Variants in VPS35L observed in about 807,000 individuals in gnomAD.
The protein encoded by VPS35L is VPS35 endosomal protein sorting factor like, also known as VPS35 endosomal protein-sorting factor-like.
Under a neutral mutation model 133.0 loss-of-function variants are expected in VPS35L, and 83 were observed. That is an observed-to-expected ratio of 0.62 (90% CI 0.52 to 0.75). VPS35L has a LOEUF of 0.75. VPS35L is among the 30% of genes least tolerant of loss of function. VPS35L has a pLI of 0.00. For synonymous variants in VPS35L, 423 were observed against 449.9 expected, an observed-to-expected ratio of 0.94 and a Z score of 0.76; for missense variants, 1,083 against 1,206.8, an observed-to-expected ratio of 0.90 and a Z score of 1.52.
intron 9 of VPS35L, among the ~76,000 whole-genome samples, chr16:19,605,391 C>T (rs1240420412): frequency 6.6e-6 from 1 of 152,190 alleles, no homozygotes; most frequent in Non-Finnish European, 1.5e-5. Context: ...GAAGTCTAAA[C>T]TGTGTCATGT....
At chr16:19,609,433 C>G (rs1031236719) in intron 11 of VPS35L, among the ~76,000 whole-genome samples, 10 of 152,156 alleles carry the variant, frequency 6.6e-5, no homozygotes, top group Admixed American at 6.6e-4. Context: ...AGAGTCACCC[C>G]TGGCACACGG....
intron 28 of VPS35L, among the ~76,000 whole-genome samples, chr16:19,689,764 C>A (rs1052923823): frequency 2.0e-5 from 3 of 152,176 alleles, no homozygotes; most frequent in African/African-American, 7.2e-5. Flanking sequence ...TGCGACACTA[C>A]CTACCCATTA....
chr16:19,628,860 C>T (rs759119330), intron 17 of VPS35L, 107 bp downstream of exon 17: 19 of 379,196 alleles, frequency 5.0e-5, no homozygotes, highest in African/African-American at 6.4e-5. Context: ...GGCGCCATCT[C>T]GGCTCACTGC....
intron 27 of VPS35L, among the ~76,000 whole-genome samples, chr16:19,679,355 G>A (rs1199063559): frequency 6.7e-6 from 1 of 149,912 alleles, no homozygotes; most frequent in Non-Finnish European, 1.5e-5. Flanking sequence ...GGAGTGCAGT[G>A]GTGCCATCAT....
chr16:19,562,597 A>G (rs1399811378), intron 1 of VPS35L, among the ~76,000 whole-genome samples: 1 of 152,220 alleles, frequency 6.6e-6, no homozygotes, highest in South Asian at 2.1e-4. Context: ...CACACATTGC[A>G]TAAACAATTT....
chr16:19,616,496 C>T (rs995624940), intron 13 of VPS35L, among the ~76,000 whole-genome samples, 190 bp from the exon 14 acceptor site: 7 of 151,222 alleles, frequency 4.6e-5, no homozygotes, highest in Admixed American at 2.0e-4. Context: ...CAAAACAGCT[C>T]GGCTTGGTGA....
intron 7 of VPS35L, chr16:19,587,424 G>GT (rs1212723661): frequency 2.3e-6 from 1 of 428,322 alleles, no homozygotes; most frequent in African/African-American, 2.1e-5. Context: ...GAGGTCGGGA[G>GT]TTTAAGACCA....
At chr16:19,587,704 A>C (rs1244457157) in intron 7 of VPS35L, among the ~76,000 whole-genome samples, 3 of 152,014 alleles carry the variant, frequency 2.0e-5, no homozygotes, top group African/African-American at 4.8e-5. Context: ...AAAAAACAAA[A>C]ATCAATCGAC....
At chr16:19,647,681 C>A in intron 23 of VPS35L, 103 bp from the exon 24 acceptor site, 1 of 920,160 alleles carries the variant, frequency 1.1e-6, no homozygotes, top group Non-Finnish European at 1.8e-6. Context: ...GTGCCCACGT[C>A]ATAAAGATGA....
intron 9 of VPS35L, among the ~76,000 whole-genome samples, chr16:19,605,167 G>A (rs539017082): frequency 6.4e-4 from 97 of 152,216 alleles, no homozygotes; most frequent in South Asian, 1.2e-3. Context: ...CGCTGCTAGG[G>A]TAGAGACTTG....
At chr16:19,657,694 T>A (rs938015046) in intron 26 of VPS35L, among the ~76,000 whole-genome samples, 1 of 152,188 alleles carries the variant, frequency 6.6e-6, no homozygotes, top group African/African-American at 2.4e-5. Flanking sequence ...CAAACTGTAA[T>A]GGCTAATGGA....
At chr16:19,613,562 T>C (rs1292913358) in intron 12 of VPS35L, among the ~76,000 whole-genome samples, 1 of 152,200 alleles carries the variant, frequency 6.6e-6, no homozygotes, top group East Asian at 1.9e-4. Context: ...TGATGGCCCA[T>C]AGCGGCCTCT....
intron 4 of VPS35L, among the ~76,000 whole-genome samples, chr16:19,574,017 C>G (rs959245072): frequency 1.3e-5 from 2 of 152,110 alleles, no homozygotes; most frequent in Non-Finnish European, 2.9e-5. Context: ...TTACCCTTCA[C>G]TTGGCAAATT....
chr16:19,680,692 GCTTGAGCCCAGGAC>G (rs1975239841), intron 27 of VPS35L, among the ~76,000 whole-genome samples: 1 of 152,092 alleles, frequency 6.6e-6, no homozygotes, highest in Non-Finnish European at 1.5e-5. Flanking sequence ...CAGGTGGATC[GCTTGAGCCCAGGAC>G]CTTGAGACCA....
At chr16:19,570,834 CATATATATATATATATATAT>C (rs58794831) in intron 3 of VPS35L, among the ~76,000 whole-genome samples, 5,838 of 78,686 alleles carry the variant, frequency 0.074, 365 homozygotes, top group South Asian at 0.099. Flanking sequence ...TGCTGTGTTT[CATATATATATATATATATAT>C]ATATATATAT....
At chr16:19,681,704 C>T (rs770988643) in intron 27 of VPS35L, among the ~76,000 whole-genome samples, 2 of 152,320 alleles carry the variant, frequency 1.3e-5, no homozygotes, top group African/African-American at 2.4e-5. Context: ...CCCAAGAGAG[C>T]GTCCTCCATT....
intron 3 of VPS35L, among the ~76,000 whole-genome samples, chr16:19,570,876 TATATATATA>T (rs1567388788): frequency 7.7e-5 from 6 of 77,552 alleles, no homozygotes; most frequent in African/African-American, 4.6e-4. Flanking sequence ...TATATATATA[TATATATATA>T]TATATTTTTG....
chr16:19,661,639 G>T (rs1974488677), intron 26 of VPS35L, among the ~76,000 whole-genome samples: 1 of 152,218 alleles, frequency 6.6e-6, no homozygotes, highest in Non-Finnish European at 1.5e-5. Flanking sequence ...CCTGAAGTCT[G>T]ACTCATTTCA....
chr16:19,700,400 A>G lies in VPS35L; in HGVS notation c.2816A>G (p.Lys939Arg). The change falls in exon 31 of 31, where the codon AAG (lysine) becomes AGG (arginine). Residue 939 changes from lysine to arginine, a missense_variant. Transcript: ENST00000417362. ...TAGGTGAAAACGCTAGAATACATCA[A>G]GAAGCAAAGCAAACAACCAGACATG... Reference protein sequence around the residue: ...RTMVKTLEYIKKQSKQPDMTH... With the variant: ...RTMVKTLEYIRKQSKQPDMTH... 1 of 1,614,182 alleles carries G rather than the reference A, an allele frequency of 6.2e-7. No individual in the cohort carries two copies. Among genetic ancestry groups the G allele is most frequent in the Non-Finnish European group, 8.5e-7 (1 of 1,180,008 alleles).
Sources: gnomAD v4.1 joint callset for allele counts (sites outside exome capture counted in the v4.1 genomes callset) on GRCh38, gnomAD v4.1.1 for gene constraint, MANE v1.5 for transcripts, NCBI Gene and HGNC (gene_info 2026-07-23, HGNC 2026-07-21) for gene names.